TCF7L1: variants seen among roughly 807,000 people sequenced by gnomAD.
TCF7L1 encodes the protein transcription factor 7 like 1, also known as transcription factor 7-like 1.
Under a neutral mutation model 63.7 loss-of-function variants are expected in TCF7L1, and 18 were observed. The observed-to-expected ratio is 0.28, with a 90% CI of 0.20 to 0.42. The LOEUF (loss-of-function observed/expected upper bound fraction) is 0.42, where lower values mean the gene tolerates loss of function less well. Ranked by LOEUF, TCF7L1 falls within the 10% of genes least tolerant of loss-of-function variation. The probability of loss-of-function intolerance (pLI) is 1.00; values close to 1 mark genes in which losing one functional copy is unlikely to be tolerated. For synonymous variants in TCF7L1, 355 were observed against 340.9 expected (o/e 1.04, Z -0.46); for missense variants, 654 against 779.3 (o/e 0.84, Z 1.91).
chr2:85,135,433 C>T (rs998773172), intron 3 of TCF7L1, among the ~76,000 whole-genome samples: 2 of 152,176 alleles, frequency 1.3e-5, no homozygotes, highest in African/African-American at 4.8e-5. Flanking sequence ...CTTTGCTTCC[C>T]GCCCAGATTC....
chr2:85,217,305 A>G (rs1411134220), intron 3 of TCF7L1: 1 of 152,258 alleles, frequency 6.6e-6, no homozygotes, highest in Non-Finnish European at 1.5e-5. Context: ...ACTGACTTGC[A>G]GCTGAAGCAC....
intron 3 of TCF7L1, among the ~76,000 whole-genome samples, chr2:85,159,370 G>C (rs985731689): frequency 6.6e-6 from 1 of 152,196 alleles, no homozygotes; most frequent in Non-Finnish European, 1.5e-5. Context: ...AGGTTTAGCT[G>C]TCTGTTGGTT....
chr2:85,171,894 T>C (rs1175804693), intron 3 of TCF7L1, among the ~76,000 whole-genome samples: 1 of 152,086 alleles, frequency 6.6e-6, no homozygotes, highest in African/African-American at 2.4e-5. Flanking sequence ...ACTGTTTTTA[T>C]CCTATTGTGA....
chr2:85,196,539 T>A (rs1361679005), intron 3 of TCF7L1, among the ~76,000 whole-genome samples: 3 of 130,274 alleles, frequency 2.3e-5, no homozygotes, highest in African/African-American at 8.7e-5. Context: ...TCAGGACTAT[T>A]TTTTTTTTTT....
chr2:85,188,755 G>A (rs1678984698), intron 3 of TCF7L1, among the ~76,000 whole-genome samples: 1 of 152,126 alleles, frequency 6.6e-6, no homozygotes, highest in Non-Finnish European at 1.5e-5. Context: ...TTATGCCAGG[G>A]TATGTATCTC....
At chr2:85,228,812 G>A (rs187453302) in intron 3 of TCF7L1, among the ~76,000 whole-genome samples, 15 of 150,824 alleles carry the variant, frequency 9.9e-5, no homozygotes, top group Admixed American at 9.9e-4. Flanking sequence ...TCAGGAGATT[G>A]AGACCATCCC....
chr2:85,157,918 G>A (rs775925534), intron 3 of TCF7L1, among the ~76,000 whole-genome samples: 18 of 152,244 alleles, frequency 1.2e-4, no homozygotes, highest in Non-Finnish European at 2.5e-4. Flanking sequence ...GTGAGGGGCA[G>A]TTAGTGGTAA....
intron 3 of TCF7L1, among the ~76,000 whole-genome samples, chr2:85,232,639 A>T (rs1680109380): frequency 6.6e-6 from 1 of 152,100 alleles, no homozygotes. Context: ...ATTTTCTCCT[A>T]CTGATTAAGC....
chr2:85,201,354 T>C (rs1362511466), intron 3 of TCF7L1, among the ~76,000 whole-genome samples: 1 of 152,232 alleles, frequency 6.6e-6, no homozygotes, highest in African/African-American at 2.4e-5. Flanking sequence ...GCAAAAGTTT[T>C]GATAAATTTT....
chr2:85,240,097 T>C (rs1001349017), intron 3 of TCF7L1, among the ~76,000 whole-genome samples: 3 of 152,250 alleles, frequency 2.0e-5, no homozygotes, highest in African/African-American at 7.2e-5. Flanking sequence ...CGTTGGATGT[T>C]CTTTTCTCGT....
intron 4 of TCF7L1, among the ~76,000 whole-genome samples, chr2:85,294,276 C>T (rs571754941): frequency 2.5e-3 from 376 of 150,222 alleles, no homozygotes; most frequent in Non-Finnish European, 3.7e-3. Context: ...GACCTTGTGA[C>T]GTGCCCGCCT....
chr2:85,283,430 C>T, intron 3 of TCF7L1, 65 bp from the exon 4 acceptor site: 1 of 1,587,876 alleles, frequency 6.3e-7, no homozygotes, highest in Non-Finnish European at 8.6e-7. Context: ...CAGAGCCCAG[C>T]AAACTTTGAG....
In TCF7L1 at chr2:85,156,562, T is replaced by C. The variant is rs116250443; in HGVS notation, c.441+22112T>C. 9.1e-3 allele frequency among the ~76,000 whole-genome samples: 1,385 copies of C among 152,308 alleles called. 9 individuals are homozygous for C. Among genetic ancestry groups the C allele is most frequent in the Non-Finnish European group, 0.016 (1,059 of 68,034 alleles). Reference sequence around the variant, plus strand: ...TGGGACTCTGTATGTATATGCCAAATTAAGTCTGCAGGCAGTCTTTACGAG... The same window carrying C: ...TGGGACTCTGTATGTATATGCCAAACTAAGTCTGCAGGCAGTCTTTACGAG... On this transcript the variant is annotated intron_variant, in intron 3 of 11. Transcript: ENST00000282111.
At chr2:85,265,827 G>C (rs1680958896) in intron 3 of TCF7L1, among the ~76,000 whole-genome samples, 1 of 149,962 alleles carries the variant, frequency 6.7e-6, no homozygotes, top group African/African-American at 2.5e-5. Context: ...GATTCCCATT[G>C]CATATATTTG....
In TCF7L1 at chr2:85,225,176, A is replaced by T. The variant is rs939457194; in HGVS notation, c.442-58319A>T. The stretch of plus-strand genomic sequence containing the variant: ...GTACCAGTACCATGCTGTTTTGGTT[A>T]CTGTAGCCTTGTAGTATATTTGAAG... On this transcript the variant is annotated intron_variant, in intron 3 of 11. Transcript: ENST00000282111. Among the ~76,000 whole-genome samples, 9 of 152,304 alleles carry T rather than the reference A, an allele frequency of 5.9e-5. No homozygotes were observed. In the East Asian group the frequency reaches 1.7e-3, roughly 29 times the overall value.
chr2:85,262,362 C>T, intron 3 of TCF7L1: 1 of 438,316 alleles, frequency 2.3e-6, no homozygotes, highest in Non-Finnish European at 4.6e-6. Flanking sequence ...CTGAGAGCAA[C>T]TTCCAGAATC....
chr2:85,186,870 G>T (rs1050764405), intron 3 of TCF7L1: 1 of 152,194 alleles, frequency 6.6e-6, no homozygotes, highest in African/African-American at 2.4e-5. Flanking sequence ...AGCTAGATTT[G>T]TACTGTACTA....
chr2:85,289,252 G>GTGTA (rs1558657491), intron 4 of TCF7L1, among the ~76,000 whole-genome samples: 1 of 151,376 alleles, frequency 6.6e-6, no homozygotes, highest in Non-Finnish European at 1.5e-5. Context: ...GTGTGTGTGT[G>GTGTA]TATACTTATA....
At chr2:85,248,629 G>A (rs1680523006) in intron 3 of TCF7L1, among the ~76,000 whole-genome samples, 1 of 152,156 alleles carries the variant, frequency 6.6e-6, no homozygotes. Context: ...TGGGAGGGAG[G>A]AAGAAGAGTA....
Sources: allele counts gnomAD v4.1 joint callset (sites outside exome capture counted in the v4.1 genomes callset), GRCh38; gene constraint gnomAD v4.1.1; transcripts MANE v1.5; gene names NCBI Gene and HGNC (gene_info 2026-07-23, HGNC 2026-07-21).